The following VWA8 variants were observed in gnomAD, a reference collection of about 807,000 sequenced individuals.
VWA8 encodes the protein von Willebrand factor A domain containing 8, also known as von Willebrand factor A domain-containing protein 8.
VWA8 carries 221 observed loss-of-function variants against 241.5 expected under a neutral mutation model. That is an observed-to-expected ratio of 0.91 (90% CI 0.82 to 1.02). The LOEUF is 1.02. Among genes scored for constraint, VWA8 ranks in the 50% least tolerant of loss-of-function variants. The probability of loss-of-function intolerance (pLI) is 0.00; values close to 1 mark genes in which losing one functional copy is unlikely to be tolerated. For synonymous variants in VWA8, 852 were observed against 827.1 expected (o/e 1.03, Z -0.52); for missense variants, 2,322 against 2,328.7 (o/e 1.00, Z 0.06).
In VWA8 at chr13:41,703,910, C is replaced by T. The variant is rs184058432; in HGVS notation, c.3117-499G>A. Among the ~76,000 whole-genome samples the T allele has an allele frequency of 4.3e-3, 660 of 151,976 alleles. 13 individuals are homozygous for T. Among genetic ancestry groups the T allele is most frequent in the South Asian group, 8.1e-3 (39 of 4,804 alleles). On this transcript the variant is annotated intron_variant, in intron 26 of 44. Coordinates refer to ENST00000379310, the MANE Select transcript of VWA8 (RefSeq NM_015058.2). The stretch of plus-strand genomic sequence containing the variant: ...CTTTTGTTTTAGCCTTCCTGAGTAG[C>T]TGGGATTACAGGCATGCGCCACCAC...
chr13:41,855,575 T>C (rs1038316064), intron 12 of VWA8, among the ~76,000 whole-genome samples: 4 of 151,622 alleles, frequency 2.6e-5, no homozygotes, highest in African/African-American at 9.7e-5. Flanking sequence ...AAACCAGATG[T>C]AAAAGGCACA....
rs867816861 is a variant in VWA8, at chr13:41,679,856, C to T, written c.4328-4560G>A. 2.3e-4 allele frequency among the ~76,000 whole-genome samples: 34 copies of T among 150,940 alleles called. 2 individuals carry two copies. The highest frequency in any genetic ancestry group is 1.3e-3 in the South Asian group (6 of 4,738). On this transcript the variant is annotated intron_variant, in intron 35 of 44. Transcript: ENST00000379310. ...CCCTGCTTTACCCCCTACCCGCCCC[C>T]GGCCGCCCCACCATTTCCTGCCCCC...
intron 4 of VWA8, among the ~76,000 whole-genome samples, chr13:41,900,888 T>C (rs1346769611): frequency 6.6e-6 from 1 of 152,256 alleles, no homozygotes; most frequent in East Asian, 1.9e-4. Flanking sequence ...TAGAATCGGA[T>C]TGATTTTTGG....
At chr13:41,707,292 C>G (rs1478299081) in intron 26 of VWA8, among the ~76,000 whole-genome samples, 1 of 152,094 alleles carries the variant, frequency 6.6e-6, no homozygotes, top group African/African-American at 2.4e-5. Context: ...TATGTTCTGG[C>G]AAATTTCTGC....
At chr13:41,582,863 G>A (rs1408675259) in intron 42 of VWA8, among the ~76,000 whole-genome samples, 2 of 152,158 alleles carry the variant, frequency 1.3e-5, no homozygotes, top group Non-Finnish European at 2.9e-5. Flanking sequence ...CTGAGAGGGG[G>A]CGGGCAGTGG....
chr13:41,776,187 C>A (rs1175636657), intron 20 of VWA8, among the ~76,000 whole-genome samples: 1 of 152,170 alleles, frequency 6.6e-6, no homozygotes, highest in Non-Finnish European at 1.5e-5. Flanking sequence ...GCTGGTCTGC[C>A]GCTGCTGGGA....
intron 35 of VWA8, among the ~76,000 whole-genome samples, chr13:41,675,777 C>T (rs923676130): frequency 6.6e-6 from 1 of 152,032 alleles, no homozygotes; most frequent in Non-Finnish European, 1.5e-5. Flanking sequence ...ATAACAACCC[C>T]ACTGTAAAAT....
chr13:41,606,799 C>G (rs1202723354), intron 39 of VWA8, among the ~76,000 whole-genome samples: 3 of 152,146 alleles, frequency 2.0e-5, no homozygotes, highest in Non-Finnish European at 4.4e-5. Flanking sequence ...CATTCCTGCC[C>G]TATCACCCCA....
chr13:41,896,170 T>C (rs1274042437), intron 4 of VWA8, among the ~76,000 whole-genome samples: 1 of 152,122 alleles, frequency 6.6e-6, no homozygotes, highest in Non-Finnish European at 1.5e-5. Flanking sequence ...TTAGAGAGAT[T>C]TGATATAACT....
intron 2 of VWA8, among the ~76,000 whole-genome samples, chr13:41,921,847 T>G (rs1268446873): frequency 6.6e-6 from 1 of 152,162 alleles, no homozygotes; most frequent in Non-Finnish European, 1.5e-5. Flanking sequence ...ATCGTGAAAA[T>G]GGCCACACTG....
intron 37 of VWA8, among the ~76,000 whole-genome samples, chr13:41,648,004 A>G (rs1285381441): frequency 6.6e-6 from 1 of 152,126 alleles, no homozygotes; most frequent in Non-Finnish European, 1.5e-5. Flanking sequence ...AAAAAAAAAG[A>G]ATTCAAGTCT....
chr13:41,869,924 T>C (rs1873511245), intron 9 of VWA8, among the ~76,000 whole-genome samples: 1 of 152,144 alleles, frequency 6.6e-6, no homozygotes, highest in African/African-American at 2.4e-5. Context: ...ATTACTATAG[T>C]GAAAGAGTTG....
At chr13:41,847,359 TTTAAG>T (rs1872334974) in intron 12 of VWA8, among the ~76,000 whole-genome samples, 1 of 152,138 alleles carries the variant, frequency 6.6e-6, no homozygotes, top group Admixed American at 6.5e-5. Flanking sequence ...TCTACAGATA[TTTAAG>T]TTGAGATTTC....
chr13:41,581,857 T>A (rs2044385200), intron 42 of VWA8, among the ~76,000 whole-genome samples: 1 of 152,156 alleles, frequency 6.6e-6, no homozygotes, highest in African/African-American at 2.4e-5. Context: ...GAGGTGTATT[T>A]CAAGATTACA....
At position 41,738,310 on chromosome 13, in the gene VWA8, A is replaced by G. The variant is rs75750496; in HGVS notation, c.2427-6155T>C. ...TCCTAACTATAAAAGGAAGGAAAAC[A>G]TTAGGGGGATAATATTCATAGAATA... On this transcript the variant is annotated intron_variant, in intron 21 of 44. Coordinates refer to ENST00000379310, the MANE Select transcript of VWA8 (RefSeq NM_015058.2). 1.6e-4 allele frequency among the ~76,000 whole-genome samples: 24 copies of G among 152,272 alleles called. No homozygotes were observed. In the East Asian group the frequency reaches 4.4e-3, roughly 28 times the overall value.
chr13:41,933,558 G>A (rs1877220268), intron 2 of VWA8, among the ~76,000 whole-genome samples: 1 of 151,932 alleles, frequency 6.6e-6, no homozygotes, highest in South Asian at 2.1e-4. Flanking sequence ...CTGATTTCCA[G>A]ACTAATTGTA....
intron 15 of VWA8, among the ~76,000 whole-genome samples, chr13:41,818,035 T>TCACTG (rs1478348071): frequency 1.3e-5 from 2 of 151,474 alleles, no homozygotes; most frequent in African/African-American, 2.4e-5. Context: ...TGATCTCGGC[T>TCACTG]CACTGCAACC....
chr13:41,719,994 G>A (rs2137846957), intron 25 of VWA8, among the ~76,000 whole-genome samples: 1 of 152,086 alleles, frequency 6.6e-6, no homozygotes, highest in Non-Finnish European at 1.5e-5. Context: ...AAATGTTAGA[G>A]CAGTGCCTAG....
intron 4 of VWA8, among the ~76,000 whole-genome samples, chr13:41,896,849 T>G (rs1472029129): frequency 1.3e-5 from 2 of 152,172 alleles, no homozygotes; most frequent in Non-Finnish European, 2.9e-5. Flanking sequence ...CTTAGAAAGA[T>G]ATATAAAAAT....
Sources: allele counts gnomAD v4.1 joint callset (sites outside exome capture counted in the v4.1 genomes callset), GRCh38; gene constraint gnomAD v4.1.1; transcripts MANE v1.5; gene names NCBI Gene and HGNC (gene_info 2026-07-23, HGNC 2026-07-21).